The following OSBPL1A variants were observed in gnomAD, a reference collection of about 807,000 sequenced individuals.
The protein encoded by OSBPL1A is oxysterol-binding protein-related protein 1.
A neutral mutation model predicts 137.1 loss-of-function variants in OSBPL1A; 80 were observed. The ratio of observed to expected loss-of-function variants is 0.58; its 90% CI spans 0.49 to 0.70. The LOEUF (loss-of-function observed/expected upper bound fraction) is 0.70, where lower values mean the gene tolerates loss of function less well. OSBPL1A is among the 30% of genes least tolerant of loss of function. OSBPL1A has a pLI of 0.00. For missense variants in OSBPL1A, 970 were observed against 1,129.4 expected (o/e 0.86, Z 2.02); for synonymous variants, 365 against 389.7 (o/e 0.94, Z 0.75).
chr18:24,198,774 A>G (rs1225875516), intron 17 of OSBPL1A, among the ~76,000 whole-genome samples: 1 of 152,024 alleles, frequency 6.6e-6, no homozygotes. Context: ...AGACTGCCAC[A>G]ATGGGGCAGC....
At chr18:24,340,102 T>G (rs1182542374) in intron 5 of OSBPL1A, among the ~76,000 whole-genome samples, 1 of 152,216 alleles carries the variant, frequency 6.6e-6, no homozygotes, top group Non-Finnish European at 1.5e-5. Flanking sequence ...CTTTACTCAT[T>G]AAGTAGAAAA....
chr18:24,383,374 T>C (rs1457070458), intron 1 of OSBPL1A, among the ~76,000 whole-genome samples: 6 of 152,200 alleles, frequency 3.9e-5, no homozygotes, highest in Admixed American at 3.9e-4. Context: ...TTTTATAACA[T>C]TTTCCTTGGA....
chr18:24,206,524 C>A lies in OSBPL1A; in HGVS notation c.1602-10324G>T, dbSNP rs4800180. ...AACATTTTTCATTTAATTAAAATGA[C>A]GAAAGAACATACTAATAAATCCCAA... On this transcript the variant is annotated intron_variant, in intron 17 of 27. Coordinates refer to ENST00000319481, the MANE Select transcript of OSBPL1A (RefSeq NM_080597.4). Among the ~76,000 whole-genome samples, 5 of 152,152 alleles carry A rather than the reference C, an allele frequency of 3.3e-5. 1 individual carries two copies. Among genetic ancestry groups the A allele is most frequent in the Non-Finnish European group, 5.9e-5 (4 of 68,020 alleles).
intron 8 of OSBPL1A, 28 bp downstream of exon 8, chr18:24,318,720 T>C: frequency 6.3e-7 from 1 of 1,597,554 alleles, no homozygotes. Context: ...TAAAAATTAT[T>C]AGATAAATTT....
At chr18:24,250,388 C>A (rs1340096429) in intron 15 of OSBPL1A, among the ~76,000 whole-genome samples, 3 of 152,128 alleles carry the variant, frequency 2.0e-5, no homozygotes, top group Non-Finnish European at 4.4e-5. Flanking sequence ...GTTGGCCAGG[C>A]TGGTCTCGAA....
chr18:24,302,057 T>C (rs529068621), intron 14 of OSBPL1A, among the ~76,000 whole-genome samples: 4 of 151,832 alleles, frequency 2.6e-5, no homozygotes, highest in East Asian at 1.9e-4. Context: ...TGAAACCCCG[T>C]CTCTACTAAA....
chr18:24,375,291 G>C (rs1228217547), intron 2 of OSBPL1A, among the ~76,000 whole-genome samples: 2 of 137,408 alleles, frequency 1.5e-5, no homozygotes. Context: ...CTCCAGCCTG[G>C]GCAACAGAAC....
chr18:24,243,403 C>T (rs1327765677), intron 15 of OSBPL1A, among the ~76,000 whole-genome samples: 1 of 152,106 alleles, frequency 6.6e-6, no homozygotes, highest in Non-Finnish European at 1.5e-5. Context: ...TTTAGCTTTT[C>T]CAATATCAAA....
chr18:24,239,144 A>G, intron 16 of OSBPL1A, 76 bp downstream of exon 16: 1 of 1,534,724 alleles, frequency 6.5e-7, no homozygotes, highest in Non-Finnish European at 8.8e-7. Context: ...AAGGTGGTGG[A>G]CTCAAGGGGA....
chr18:24,312,551 G>T (rs2090637938), intron 12 of OSBPL1A, among the ~76,000 whole-genome samples: 1 of 152,144 alleles, frequency 6.6e-6, no homozygotes, highest in African/African-American at 2.4e-5. Context: ...TATTAAAACA[G>T]CCAATACTTG....
intron 15 of OSBPL1A, among the ~76,000 whole-genome samples, chr18:24,257,962 G>A (rs2089332005): frequency 6.6e-6 from 1 of 152,172 alleles, no homozygotes; most frequent in Non-Finnish European, 1.5e-5. Context: ...ATCTCCAAAA[G>A]ACAGGCAGTA....
intron 15 of OSBPL1A, among the ~76,000 whole-genome samples, chr18:24,247,085 G>A (rs1188193982): frequency 1.3e-5 from 2 of 152,088 alleles, no homozygotes; most frequent in Non-Finnish European, 2.9e-5. Context: ...AGACTAGATA[G>A]CAACATTAAG....
At chr18:24,321,297 A>G (rs2090850603) in intron 7 of OSBPL1A, among the ~76,000 whole-genome samples, 1 of 152,092 alleles carries the variant, frequency 6.6e-6, no homozygotes, top group African/African-American at 2.4e-5. Context: ...CTTATTTTTT[A>G]CTAATATACT....
intron 15 of OSBPL1A, among the ~76,000 whole-genome samples, chr18:24,278,702 G>A (rs1009077141): frequency 6.6e-6 from 1 of 152,082 alleles, no homozygotes; most frequent in Non-Finnish European, 1.5e-5. Flanking sequence ...GAAAGCTATC[G>A]ATACATCCAT....
intron 7 of OSBPL1A, among the ~76,000 whole-genome samples, chr18:24,330,588 G>T (rs1243353874): frequency 1.3e-5 from 2 of 149,090 alleles, no homozygotes; most frequent in East Asian, 4.0e-4. Context: ...AGGTTCAAGC[G>T]ATTCTCCTGC....
At chr18:24,181,996 G>A (rs1459316420) in intron 18 of OSBPL1A, among the ~76,000 whole-genome samples, 1 of 152,112 alleles carries the variant, frequency 6.6e-6, no homozygotes, top group African/African-American at 2.4e-5. Flanking sequence ...CATTTGTCTT[G>A]TAACAACGGG....
intron 16 of OSBPL1A, among the ~76,000 whole-genome samples, chr18:24,231,712 G>A (rs1487756947): frequency 6.6e-6 from 1 of 152,218 alleles, no homozygotes; most frequent in Non-Finnish European, 1.5e-5. Context: ...CCGGCTTATG[G>A]TGACTTTAAC....
Position 24,180,307 on chromosome 18 carries a change from T to C in OSBPL1A, c.1813-472A>G, listed in dbSNP as rs529772777. ...TGCTTTGTTGAAGGAGAACAATGTG[T>C]CCACTATACTCTACCTCTAACTAGT... On this transcript the variant is annotated intron_variant, in intron 19 of 27. Transcript: ENST00000319481. Among the ~76,000 whole-genome samples the C allele has an allele frequency of 8.5e-5, 13 of 152,304 alleles. No homozygotes were observed. The South Asian group carries it at 2.7e-3, about 32-fold the overall frequency.
intron 14 of OSBPL1A, among the ~76,000 whole-genome samples, chr18:24,295,852 A>G (rs563263577): frequency 1.4e-5 from 2 of 145,184 alleles, no homozygotes; most frequent in Admixed American, 6.8e-5. Context: ...TCACTGGTCT[A>G]AGAGCCTTTT....
Sources: gnomAD v4.1 joint callset for allele counts (sites outside exome capture counted in the v4.1 genomes callset) on GRCh38, gnomAD v4.1.1 for gene constraint, MANE v1.5 for transcripts, NCBI Gene and HGNC (gene_info 2026-07-23, HGNC 2026-07-21) for gene names.